UNC5D: variants seen among roughly 807,000 people sequenced by gnomAD.
UNC5D encodes netrin receptor UNC5D.
A neutral mutation model predicts 105.4 loss-of-function variants in UNC5D; 39 were observed. That is an observed-to-expected ratio of 0.37 (90% confidence interval 0.29 to 0.48). UNC5D has a LOEUF of 0.48. Among genes scored for constraint, UNC5D ranks in the 20% least tolerant of loss-of-function variants. The probability of loss-of-function intolerance (pLI) is 0.98; values close to 1 mark genes in which losing one functional copy is unlikely to be tolerated. For missense variants in UNC5D, 991 were observed against 1,202.4 expected (o/e 0.82, Z 2.60); for synonymous variants, 452 against 450.4 (o/e 1.00, Z -0.04).
intron 4 of UNC5D, among the ~76,000 whole-genome samples, chr8:35,617,154 C>A (rs1446928608): frequency 6.6e-6 from 1 of 152,142 alleles, no homozygotes; most frequent in Non-Finnish European, 1.5e-5. Context: ...AACAGATAAA[C>A]AACGGCCACA....
At chr8:35,641,726 G>T (rs956415265) in intron 4 of UNC5D, among the ~76,000 whole-genome samples, 1 of 151,998 alleles carries the variant, frequency 6.6e-6, no homozygotes, top group Non-Finnish European at 1.5e-5. Flanking sequence ...GCAAAAATAC[G>T]GCTTTTTCAA....
intron 1 of UNC5D, among the ~76,000 whole-genome samples, chr8:35,301,039 T>G (rs1807914660): frequency 6.6e-6 from 1 of 152,166 alleles, no homozygotes; most frequent in African/African-American, 2.4e-5. Flanking sequence ...GCACTGAAGC[T>G]CCAGTAGCAA....
intron 11 of UNC5D, among the ~76,000 whole-genome samples, chr8:35,735,204 C>G (rs1294427954): frequency 6.6e-6 from 1 of 152,172 alleles, no homozygotes; most frequent in Non-Finnish European, 1.5e-5. Context: ...GAAGTTCCCA[C>G]TACTCCTCTC....
rs868178712 is a variant in UNC5D at position 35,726,202 on chromosome 8, C to T, written c.1354C>T (p.Arg452Trp). The change falls in exon 10 of 17, where the codon CGG (arginine) becomes TGG (tryptophan). Residue 452 changes from arginine to tryptophan, a missense_variant. Physicochemically the swap from Arg to Trp is moderately radical, Grantham distance 101. Around this residue, in one of 3 missense-constraint regions of UNC5D, gnomAD observed 944 missense variants for 1,131.6 expected, o/e 0.83. Coordinates refer to ENST00000404895, the MANE Select transcript of UNC5D (RefSeq NM_080872.4). ...SAMQPDLTVS[R>W]TYSGPICLQD... ...CATGCAGCCAGATCTGACAGTGAGC[C>T]GGACATACAGCGGACCCATCTGTCT... 1.9e-6 allele frequency: 3 copies of T among 1,613,962 alleles called. No homozygotes were observed. The highest frequency in any genetic ancestry group is 2.5e-6 in the Non-Finnish European group (3 of 1,179,890).
intron 1 of UNC5D, chr8:35,255,340 A>G (rs936705965): frequency 1.3e-5 from 2 of 152,274 alleles, no homozygotes; most frequent in Non-Finnish European, 2.9e-5. Context: ...CCCATCCATC[A>G]TAGTGACTCA....
intron 4 of UNC5D, among the ~76,000 whole-genome samples, chr8:35,638,039 A>T (rs1025940999): frequency 3.9e-5 from 6 of 152,176 alleles, no homozygotes; most frequent in Non-Finnish European, 5.9e-5. Context: ...GTGTTCTTTT[A>T]TGGAATCTTT....
At position 35,568,009 on chromosome 8, in the gene UNC5D, TAAA is replaced by T. The variant is rs1249129807; in HGVS notation, c.323-86_323-84del. On this transcript the variant is annotated intron_variant, in intron 2 of 16. Coordinates refer to ENST00000404895, the MANE Select transcript of UNC5D (RefSeq NM_080872.4). ...TTGATTAAAAACAGGATTGTTTAAT[TAAA>T]AAGAAAAGGTTTGGCTAACCTTAAC... 2.6e-6 allele frequency: 4 copies of T among 1,533,250 alleles called. No individual in the cohort carries two copies. In the African/African-American group the frequency reaches 5.5e-5, roughly 21 times the overall value. The allele number at this position is 1,533,250 out of a possible 1,614,324, so 95.0% of individuals were successfully genotyped here. A position where few individuals can be genotyped will look rare whatever the true frequency, so the allele number is the denominator to read the frequency against.
chr8:35,483,447 G>A (rs1810627451), intron 1 of UNC5D, among the ~76,000 whole-genome samples: 1 of 152,154 alleles, frequency 6.6e-6, no homozygotes. Context: ...GATCAGTCAT[G>A]TTCTGTATAT....
chr8:35,725,040 CA>C, intron 9 of UNC5D, among the ~76,000 whole-genome samples: 1 of 152,250 alleles, frequency 6.6e-6, no homozygotes, highest in East Asian at 1.9e-4. Flanking sequence ...TAGAGCATCA[CA>C]ACAAGAGATG....
chr8:35,458,618 C>T (rs990220189), intron 1 of UNC5D, among the ~76,000 whole-genome samples: 23 of 152,082 alleles, frequency 1.5e-4, no homozygotes, highest in Admixed American at 6.6e-4. Flanking sequence ...AGAGGTGTGC[C>T]GAGAGCACAG....
In UNC5D at chr8:35,748,640, G is replaced by A; in HGVS notation, c.1880G>A (p.Ser627Asn). Residue 627 changes from serine to asparagine, a missense_variant, in exon 12 of 17, where the codon AGT becomes AAT. Transcript: ENST00000404895. ...ACCATCCCGCACTGTGCAGATGTCA[G>A]TTCTGAGCATTGGAATATCCATTTA... ...ALTIPHCADV[S>N]SEHWNIHLKK... The A allele has an allele frequency of 6.2e-7, 1 of 1,614,044 alleles. No homozygotes were observed. Among genetic ancestry groups the A allele is most frequent in the Non-Finnish European group, 8.5e-7 (1 of 1,179,916 alleles).
chr8:35,414,978 G>T (rs1805439227), intron 1 of UNC5D, among the ~76,000 whole-genome samples: 1 of 152,020 alleles, frequency 6.6e-6, no homozygotes, highest in African/African-American at 2.4e-5. Flanking sequence ...AACTCAACTA[G>T]GAGTGTGCCA....
chr8:35,394,007 T>TTC lies in UNC5D; in HGVS notation c.104-155276_104-155275dup, dbSNP rs566615669. ...TCATCCTTCTTCCTCTTTCTCCTTT[T>TTC]TCTCTCTCTCACTCGTTTTGGTTTA... On this transcript the variant is annotated intron_variant, in intron 1 of 16. Transcript: ENST00000404895. 1.1e-3 allele frequency among the ~76,000 whole-genome samples: 171 copies of TTC among 152,252 alleles called. 1 individual carries two copies. The highest frequency in any genetic ancestry group is 4.0e-3 in the African/African-American group (165 of 41,546).
At chr8:35,485,284 C>T (rs948949938) in intron 1 of UNC5D, among the ~76,000 whole-genome samples, 1 of 152,156 alleles carries the variant, frequency 6.6e-6, no homozygotes, top group Admixed American at 6.5e-5. Flanking sequence ...CCTACATCTG[C>T]AGGACTCAGC....
intron 11 of UNC5D, among the ~76,000 whole-genome samples, chr8:35,744,568 T>C (rs189487012): frequency 2.4e-3 from 370 of 152,300 alleles, no homozygotes; most frequent in Admixed American, 4.1e-3. Context: ...TGGATTCTTA[T>C]AGTATGACTC....
chr8:35,293,188 T>C (rs1239300651), intron 1 of UNC5D, among the ~76,000 whole-genome samples: 1 of 151,862 alleles, frequency 6.6e-6, no homozygotes, highest in Non-Finnish European at 1.5e-5. Flanking sequence ...GTGAAAGAGG[T>C]AGTGGAAGTA....
At chr8:35,253,072 T>C (rs556756560) in intron 1 of UNC5D, among the ~76,000 whole-genome samples, 2 of 152,206 alleles carry the variant, frequency 1.3e-5, no homozygotes, top group East Asian at 3.9e-4. Flanking sequence ...ATCATTGAAT[T>C]ATAGGAGTTT....
intron 1 of UNC5D, among the ~76,000 whole-genome samples, chr8:35,481,854 G>T (rs1402478007): frequency 6.6e-6 from 1 of 151,964 alleles, no homozygotes; most frequent in African/African-American, 2.4e-5. Context: ...TGGGTTTTTT[G>T]TTTGTTTTGG....
At chr8:35,521,657 A>T (rs1290712996) in intron 1 of UNC5D, among the ~76,000 whole-genome samples, 1 of 152,184 alleles carries the variant, frequency 6.6e-6, no homozygotes, top group Non-Finnish European at 1.5e-5. Context: ...CTAATGCTGT[A>T]ATTTCCAGCC....
Sources: allele counts gnomAD v4.1 joint callset (sites outside exome capture counted in the v4.1 genomes callset), GRCh38; gene constraint gnomAD v4.1.1; regional missense constraint gnomAD v4.1.1; transcripts MANE v1.5; gene names NCBI Gene and HGNC (gene_info 2026-07-23, HGNC 2026-07-21).